The following SLC25A29 variants were observed in gnomAD, a reference collection of about 807,000 sequenced individuals.
The protein encoded by SLC25A29 is solute carrier family 25 member 29, also known as mitochondrial basic amino acids transporter.
Under a neutral mutation model 10.0 loss-of-function variants are expected in SLC25A29, and 13 were observed. The observed-to-expected ratio is 1.30, with a 90% CI of 0.85 to 2.07. The LOEUF is 2.07. Ranked by LOEUF, SLC25A29 falls within the 30% of genes most tolerant of loss-of-function variation. The probability of loss-of-function intolerance (pLI) is 0.00; values close to 1 mark genes in which losing one functional copy is unlikely to be tolerated. For missense variants in SLC25A29, 475 were observed against 447.6 expected, an observed-to-expected ratio of 1.06 and a Z score of -0.55; for synonymous variants, 244 against 221.1, an observed-to-expected ratio of 1.10 and a Z score of -0.92.
At chr14:100,281,208 T>A in the SLC25A29 span, 1 of 151,512 alleles carries the variant, frequency 6.6e-6, no homozygotes. Context: ...AAATTCATGT[T>A]GTTGATCTTT....
Position 100,291,685 on chromosome 14 carries a change from C to T in SLC25A29, c.*598G>A, listed in dbSNP as rs145798796. ...GGCTTCCCGGAGGGTGCAGGGTCCC[C>T]AGTTCACCCTCCAGCAGGAGTGGCA... On this transcript the variant is annotated 3_prime_UTR_variant, in exon 4 of 4. Transcript: ENST00000359232. 1.2e-5 allele frequency: 2 copies of T among 164,374 alleles called. No homozygotes were observed. The highest frequency in any genetic ancestry group is 1.9e-4 in the East Asian group (1 of 5,286). 10.2% of individuals were successfully genotyped at this position (164,374 alleles called of 1,614,324 possible).
intron 1 of SLC25A29, among the ~76,000 whole-genome samples, chr14:100,301,085 G>C (rs1892512500): frequency 6.6e-6 from 1 of 151,928 alleles, no homozygotes; most frequent in Admixed American, 6.6e-5. Context: ...ATGTTTAGTA[G>C]AGACAGAGTT....
chr14:100,293,175 A>C, intron 3 of SLC25A29, 119 bp downstream of exon 3: 1 of 1,465,694 alleles, frequency 6.8e-7, no homozygotes, highest in Non-Finnish European at 9.2e-7. Flanking sequence ...CTAGGTCCTG[A>C]CTGGCCTCCT....
intron 1 of SLC25A29, among the ~76,000 whole-genome samples, chr14:100,302,906 C>T (rs534765201): frequency 2.0e-5 from 3 of 152,116 alleles, no homozygotes; most frequent in Non-Finnish European, 4.4e-5. Flanking sequence ...GTAACCCTGC[C>T]TGGAGCTCTA....
chr14:100,285,755 G>T, the SLC25A29 span, among the ~76,000 whole-genome samples: 1 of 152,120 alleles, frequency 6.6e-6, no homozygotes. Flanking sequence ...GGCGACGCCC[G>T]AGGAGGGAGG....
the SLC25A29 span, among the ~76,000 whole-genome samples, chr14:100,284,100 G>C: frequency 1.3e-5 from 2 of 152,104 alleles, no homozygotes; most frequent in Non-Finnish European, 2.9e-5. Context: ...ACCACCCTTT[G>C]ATGAATTAGC....
At chr14:100,301,571 A>C (rs1289402590) in intron 1 of SLC25A29, among the ~76,000 whole-genome samples, 2 of 151,128 alleles carry the variant, frequency 1.3e-5, no homozygotes, top group African/African-American at 4.9e-5. Flanking sequence ...GTGCAGTGGC[A>C]CGATCTCGAC....
Position 100,292,467 on chromosome 14 carries a change from C to G in SLC25A29, c.728G>C (p.Gly243Ala). ...CAGCCCCCGTGTGAAGACGCGCCAG[C>G]CCTCGGCGCGGTAGCTCTGGTGCAC... ...DCVHQSYRAE[G>A]WRVFTRGLAS... The change falls in exon 4 of 4, where the codon GGC (glycine) becomes GCC (alanine). Residue 243 changes from glycine (G) to alanine (A), a missense_variant. Transcript: ENST00000359232. 6 of 1,581,044 alleles carry G rather than the reference C, an allele frequency of 3.8e-6. No homozygotes were observed. Among genetic ancestry groups the G allele is most frequent in the South Asian group, 1.1e-5 (1 of 87,208 alleles).
chr14:100,303,662 G>A (rs771849211), intron 1 of SLC25A29, among the ~76,000 whole-genome samples: 8 of 152,174 alleles, frequency 5.3e-5, no homozygotes, highest in South Asian at 2.1e-4. Context: ...CTTTCTGAGC[G>A]CACGAGGAGG....
At chr14:100,297,542 C>G (rs935882262) in intron 2 of SLC25A29, among the ~76,000 whole-genome samples, 4 of 152,246 alleles carry the variant, frequency 2.6e-5, no homozygotes, top group Non-Finnish European at 5.9e-5. Flanking sequence ...AAACACAGTG[C>G]AACGTGGACA....
At position 100,292,186 on chromosome 14, in the gene SLC25A29, G is replaced by C. The variant is rs1891746916; in HGVS notation, c.*97C>G. ...CCACGTCTGATAGACTCCACAGCTC[G>C]CAGCATCCCAGCAGGAAGCAGGGCA... On this transcript the variant is annotated 3_prime_UTR_variant, in exon 4 of 4. Coordinates refer to ENST00000359232, the MANE Select transcript of SLC25A29 (RefSeq NM_001039355.3). The C allele has an allele frequency of 6.8e-7, 1 of 1,461,850 alleles. No homozygotes were observed. The highest frequency in any genetic ancestry group is 1.4e-5 in the African/African-American group (1 of 70,790). The allele number at this position is 1,461,850 out of a possible 1,614,324, so 90.6% of individuals were successfully genotyped here.
intron 1 of SLC25A29, among the ~76,000 whole-genome samples, chr14:100,300,870 G>A (rs1892493306): frequency 6.6e-6 from 1 of 151,862 alleles, no homozygotes. Flanking sequence ...TTGATGGTTT[G>A]GGAAAATTAC....
rs570086303 is a variant in SLC25A29 at position 100,299,276 on chromosome 14, C to A, written c.35-391G>T. 96 of 1,043,762 alleles carry A rather than the reference C, an allele frequency of 9.2e-5. No individual in the cohort carries two copies. In the South Asian group the frequency reaches 2.8e-3, roughly 30 times the overall value. 64.7% of individuals were successfully genotyped at this position (1,043,762 alleles called of 1,614,324 possible). ...GGCAGGAGGCTCCAGAGATGTTGGACTTTGGGGTCAGACCCTCCCCAGATT... is the reference window on the plus strand; with the variant it reads ...GGCAGGAGGCTCCAGAGATGTTGGAATTTGGGGTCAGACCCTCCCCAGATT... On this transcript the variant is annotated intron_variant, in intron 1 of 3. Transcript: ENST00000359232.
In SLC25A29 at chr14:100,291,935, A is replaced by G. The variant is rs2139658152; in HGVS notation, c.*348T>C. Reference sequence around the variant, plus strand: ...GGGAGCCAGCCTGCAGGGCAGGAGCACAATGACGTGGCCAGGATCCCAGAA... The same window carrying G: ...GGGAGCCAGCCTGCAGGGCAGGAGCGCAATGACGTGGCCAGGATCCCAGAA... On this transcript the variant is annotated 3_prime_UTR_variant, in exon 4 of 4. Transcript: ENST00000359232. 1 of 334,800 alleles carries G rather than the reference A, an allele frequency of 3.0e-6. No homozygotes were observed. Among genetic ancestry groups the G allele is most frequent in the South Asian group, 2.6e-5 (1 of 38,914 alleles). The allele number at this position is 334,800 out of a possible 1,614,324, so 20.7% of individuals were successfully genotyped here. A position where few individuals can be genotyped will look rare whatever the true frequency, so the allele number is the denominator to read the frequency against.
chr14:100,292,838 C>A lies in SLC25A29; in HGVS notation c.357G>T (p.Arg119=). ...CTGGGCCCGCGTCCTGCAGCTGCAG[C>A]CGCGTCTTGGCCAGCTCCATGGGGC... ...ICCPMELAKT[R]LQLQDAGPAR... The change falls in exon 4 of 4, where the codon CGG becomes CGT. Residue 119 remains arginine, a synonymous_variant. Transcript: ENST00000359232. 1 of 1,592,558 alleles carries A rather than the reference C, an allele frequency of 6.3e-7. No individual in the cohort carries two copies. Among genetic ancestry groups the A allele is most frequent in the Non-Finnish European group, 8.5e-7 (1 of 1,171,542 alleles).
At position 100,292,241 on chromosome 14, in the gene SLC25A29, G is replaced by A. The variant is rs1891752062; in HGVS notation, c.*42C>T. On this transcript the variant is annotated 3_prime_UTR_variant, in exon 4 of 4. Transcript: ENST00000359232. ...ACTCAGGGGCCAATTTATGTCCCAG[G>A]TTTCTGAGAAGGAGCCCTGGGGAAG... is the stretch of plus-strand genomic sequence containing the variant. 3.9e-6 allele frequency: 6 copies of A among 1,529,254 alleles called. No individual in the cohort carries two copies. In the South Asian group the frequency reaches 6.0e-5, roughly 15 times the overall value. 94.7% of individuals were successfully genotyped at this position (1,529,254 alleles called of 1,614,324 possible).
At chr14:100,301,916 C>G (rs187606740) in intron 1 of SLC25A29, among the ~76,000 whole-genome samples, 2 of 152,112 alleles carry the variant, frequency 1.3e-5, no homozygotes, top group African/African-American at 4.8e-5. Context: ...AAGAGCTACC[C>G]GAAGAAGGCT....
chr14:100,292,449 C>A lies in SLC25A29; in HGVS notation c.746G>T (p.Arg249Leu), dbSNP rs1346286697. The A allele has an allele frequency of 6.3e-7, 1 of 1,579,002 alleles. No homozygotes were observed. Among genetic ancestry groups the A allele is most frequent in the South Asian group, 1.1e-5 (1 of 87,004 alleles). ...GCGCAGCAGCGTGGACGCCAGCCCCCGTGTGAAGACGCGCCAGCCCTCGGC... is the reference window on the plus strand; with the variant it reads ...GCGCAGCAGCGTGGACGCCAGCCCCAGTGTGAAGACGCGCCAGCCCTCGGC... ...YRAEGWRVFT[R>L]GLASTLLRAF... Residue 249 changes from arginine to leucine, a missense_variant, in exon 4 of 4, where the codon CGG (arginine) becomes CTG (leucine). Coordinates refer to ENST00000359232, the MANE Select transcript of SLC25A29 (RefSeq NM_001039355.3).
the SLC25A29 span, chr14:100,278,667 G>GAA: frequency 2.0e-5 from 3 of 152,244 alleles, no homozygotes; most frequent in African/African-American, 7.2e-5. Context: ...CCTGACTTCT[G>GAA]AAAGAGAGTA....
Sources: gnomAD v4.1 joint callset for allele counts (sites outside exome capture counted in the v4.1 genomes callset) on GRCh38, gnomAD v4.1.1 for gene constraint, MANE v1.5 for transcripts, NCBI Gene and HGNC (gene_info 2026-07-23, HGNC 2026-07-21) for gene names.